Variants in NLGN1 observed in about 807,000 individuals in gnomAD.
NLGN1 encodes the protein neuroligin-1.
In NLGN1, 12 loss-of-function variants were observed where a neutral mutation model predicts 65.5. The ratio of observed to expected loss-of-function variants is 0.18; its 90% CI spans 0.12 to 0.30. The LOEUF (loss-of-function observed/expected upper bound fraction) is 0.30. NLGN1 is among the 10% of genes least tolerant of loss of function. NLGN1 has a pLI of 1.00. For synonymous variants in NLGN1, 350 were observed against 359.5 expected (o/e 0.97, Z 0.30); for missense variants, 750 against 1,007.1 (o/e 0.74, Z 3.46).
intron 3 of NLGN1, among the ~76,000 whole-genome samples, chr3:173,704,769 G>C (rs971691589): frequency 6.6e-6 from 1 of 152,146 alleles, no homozygotes; most frequent in Non-Finnish European, 1.5e-5. Context: ...CCTTGGAGCT[G>C]TTTGTCAAAT....
At chr3:174,090,828 C>T (rs528186779) in intron 4 of NLGN1, among the ~76,000 whole-genome samples, 2 of 151,980 alleles carry the variant, frequency 1.3e-5, no homozygotes, top group Admixed American at 1.3e-4. Context: ...CTCAGACCAG[C>T]AGTATAAACA....
chr3:173,749,519 C>G (rs1407587190), intron 3 of NLGN1, among the ~76,000 whole-genome samples: 1 of 152,032 alleles, frequency 6.6e-6, no homozygotes, highest in African/African-American at 2.4e-5. Context: ...AGACAAATGG[C>G]TTGAATGCCA....
intron 4 of NLGN1, among the ~76,000 whole-genome samples, chr3:174,005,727 T>C (rs985564695): frequency 6.6e-6 from 1 of 151,988 alleles, no homozygotes; most frequent in African/African-American, 2.4e-5. Context: ...AAACTAAATT[T>C]ATATAGAGAA....
At chr3:174,277,378 A>AT (rs1232120288) in intron 5 of NLGN1, among the ~76,000 whole-genome samples, 1 of 151,914 alleles carries the variant, frequency 6.6e-6, no homozygotes, top group Non-Finnish European at 1.5e-5. Flanking sequence ...TTTTTCCCAT[A>AT]TTTTAGGAAT....
intron 3 of NLGN1, among the ~76,000 whole-genome samples, chr3:173,784,230 T>G (rs1421395260): frequency 6.6e-6 from 1 of 152,146 alleles, no homozygotes; most frequent in Admixed American, 6.5e-5. Flanking sequence ...ATATTCTAGG[T>G]GTAAAACTTG....
chr3:173,757,134 A>G (rs903836219), intron 3 of NLGN1, among the ~76,000 whole-genome samples: 11 of 152,076 alleles, frequency 7.2e-5, no homozygotes, highest in Admixed American at 6.6e-4. Flanking sequence ...CAACTAAGAA[A>G]AATGGACATT....
intron 4 of NLGN1, among the ~76,000 whole-genome samples, chr3:173,897,525 G>A (rs765678196): frequency 2.0e-5 from 3 of 152,144 alleles, no homozygotes; most frequent in African/African-American, 4.8e-5. Flanking sequence ...GAGCTACTAA[G>A]TGTAGTCTCA....
chr3:173,841,186 G>A lies in NLGN1; in HGVS notation c.646+33354G>A, dbSNP rs1724714513. Among the ~76,000 whole-genome samples the A allele has an allele frequency of 3.3e-5, 5 of 151,844 alleles. No homozygotes were observed. The South Asian group carries it at 1.0e-3, about 32-fold the overall frequency. On this transcript the variant is annotated intron_variant, in intron 4 of 6. Coordinates refer to ENST00000457714, the Ensembl canonical transcript of NLGN1. ...ATCCCAAATCAAATACTAGTCAAAT[G>A]TGACAATTTCATGGTGGTCTGTAAA...
chr3:174,076,020 T>C (rs1740833814), intron 4 of NLGN1, among the ~76,000 whole-genome samples: 1 of 152,174 alleles, frequency 6.6e-6, no homozygotes, highest in African/African-American at 2.4e-5. Context: ...GCCTACACTA[T>C]ATCATTCAAT....
rs540254314 is a variant in NLGN1 at position 173,830,835 on chromosome 3, T to G, written c.646+23003T>G. 1.7e-3 allele frequency among the ~76,000 whole-genome samples: 263 copies of G among 152,340 alleles called. 2 individuals carry two copies. Among genetic ancestry groups the G allele is most frequent in the African/African-American group, 6.2e-3 (258 of 41,588 alleles). ...CAGAAAATGTTCTGGAGGAATCATG[T>G]GAATAACTAGTCCATGTTTACCTTG... is the stretch of plus-strand genomic sequence containing the variant. On this transcript the variant is annotated intron_variant, in intron 4 of 6. Transcript: ENST00000457714.
intron 2 of NLGN1, among the ~76,000 whole-genome samples, chr3:173,514,013 G>C (rs140925231): frequency 3.4e-4 from 52 of 152,246 alleles, no homozygotes; most frequent in Non-Finnish European, 6.3e-4. Flanking sequence ...AATGTAACGT[G>C]TTACATTAAC....
At chr3:173,954,127 A>T (rs1436640437) in intron 4 of NLGN1, among the ~76,000 whole-genome samples, 1 of 152,116 alleles carries the variant, frequency 6.6e-6, no homozygotes, top group Non-Finnish European at 1.5e-5. Flanking sequence ...ACTGTAACTT[A>T]TCGACAAGAA....
At chr3:173,539,757 A>ACATG (rs1560407339) in intron 2 of NLGN1, among the ~76,000 whole-genome samples, 3 of 94,710 alleles carry the variant, frequency 3.2e-5, no homozygotes, top group African/African-American at 1.4e-4. Flanking sequence ...TATATAACAT[A>ACATG]TACATGTACA....
At chr3:173,829,628 G>A (rs1272045278) in intron 4 of NLGN1, among the ~76,000 whole-genome samples, 1 of 151,848 alleles carries the variant, frequency 6.6e-6, no homozygotes, top group Non-Finnish European at 1.5e-5. Flanking sequence ...CAAATTTCAA[G>A]TAAACAATAC....
intron 3 of NLGN1, among the ~76,000 whole-genome samples, chr3:173,688,989 A>G (rs1431145195): frequency 1.3e-5 from 2 of 152,098 alleles, no homozygotes; most frequent in African/African-American, 2.4e-5. Context: ...ATTTGGGTGT[A>G]CTAATAATTT....
chr3:173,446,502 T>C (rs931069146), intron 2 of NLGN1, among the ~76,000 whole-genome samples: 1 of 152,210 alleles, frequency 6.6e-6, no homozygotes, highest in Non-Finnish European at 1.5e-5. Flanking sequence ...TCTTTGCTAT[T>C]GTGAATAGTG....
intron 4 of NLGN1, among the ~76,000 whole-genome samples, chr3:173,984,570 A>G (rs925337225): frequency 6.6e-6 from 1 of 152,180 alleles, no homozygotes; most frequent in Non-Finnish European, 1.5e-5. Context: ...CTAAAATACT[A>G]ACAAACTTCC....
chr3:173,583,699 G>A (rs968418439), intron 2 of NLGN1, among the ~76,000 whole-genome samples: 4 of 152,108 alleles, frequency 2.6e-5, no homozygotes, highest in African/African-American at 7.2e-5. Context: ...GGAGCCTGTC[G>A]GAAATGCTAG....
At position 173,480,716 on chromosome 3, in the gene NLGN1, C is replaced by T. The variant is rs115735219; in HGVS notation, c.-321+45638C>T. ...GATAGCTTTAGCTTTTTAATTATTC[C>T]ACTCAATTAGTCAATCACTTGTCTA... On this transcript the variant is annotated intron_variant, in intron 2 of 6. Transcript: ENST00000457714. 4.6e-3 allele frequency among the ~76,000 whole-genome samples: 702 copies of T among 152,054 alleles called. 10 individuals carry two copies. The highest frequency in any genetic ancestry group is 0.016 in the African/African-American group (655 of 41,502).
Sources: gnomAD v4.1 joint callset for allele counts (sites outside exome capture counted in the v4.1 genomes callset) on GRCh38, gnomAD v4.1.1 for gene constraint, MANE v1.5 for transcripts, NCBI Gene and HGNC (gene_info 2026-07-23, HGNC 2026-07-21) for gene names.